NEMP2: variants seen among roughly 807,000 people sequenced by gnomAD.
NEMP2 encodes the protein nuclear envelope integral membrane protein 2, also known as UPF0571 transmembrane protein.
A neutral mutation model predicts 54.2 loss-of-function variants in NEMP2; 53 were observed. The ratio of observed to expected loss-of-function variants is 0.98; its 90% confidence interval spans 0.78 to 1.23. The LOEUF (loss-of-function observed/expected upper bound fraction) is 1.23. Among genes scored for constraint, NEMP2 ranks in the 50% most tolerant of loss-of-function variants. The pLI is 0.00. For synonymous variants in NEMP2, 197 were observed against 190.3 expected, an observed-to-expected ratio of 1.04 and a Z score of -0.29; for missense variants, 455 against 511.3, an observed-to-expected ratio of 0.89 and a Z score of 1.06.
At chr2:190,463,849 A>T in the NEMP2 span, 3 of 975,556 alleles carry the variant, frequency 3.1e-6, no homozygotes, top group South Asian at 1.4e-4. The surrounding 1 kb of genome is among the most constrained non-coding windows in gnomAD (Gnocchi z 4.4). Context: ...AAATAAAAAT[A>T]AAAAGCTGAG....
At chr2:190,460,446 C>G in the NEMP2 span, among the ~76,000 whole-genome samples, 1 of 152,042 alleles carries the variant, frequency 6.6e-6, no homozygotes, top group South Asian at 2.1e-4. Context: ...AGTGTATATC[C>G]CTAGCACTTA....
chr2:190,643,613 C>T, the NEMP2 span, among the ~76,000 whole-genome samples: 1 of 152,194 alleles, frequency 6.6e-6, no homozygotes, highest in African/African-American at 2.4e-5. Context: ...TGAATTAATA[C>T]TGATAAAGTG....
chr2:190,553,515 C>G, the NEMP2 span: 2 of 152,216 alleles, frequency 1.3e-5, no homozygotes, highest in Non-Finnish European at 2.9e-5. Flanking sequence ...CACCTTAAAG[C>G]CTGTAAGTGA....
At chr2:190,623,758 G>T in the NEMP2 span, among the ~76,000 whole-genome samples, 1 of 152,142 alleles carries the variant, frequency 6.6e-6, no homozygotes, top group Non-Finnish European at 1.5e-5. Context: ...TCTAGGCAAA[G>T]ATTTTTTGGA....
chr2:190,637,858 G>A, the NEMP2 span, among the ~76,000 whole-genome samples: 2 of 152,228 alleles, frequency 1.3e-5, no homozygotes, highest in Non-Finnish European at 2.9e-5. This position sits in a 1 kb window ranked among gnomAD's most constrained non-coding sequence, Gnocchi z 4.5. Context: ...CCCTCAGTCA[G>A]TGCTTAATTG....
At chr2:190,497,852 A>G in the NEMP2 span, 1 of 1,042,078 alleles carries the variant, frequency 9.6e-7, no homozygotes, top group East Asian at 2.5e-5. This position sits in a 1 kb window ranked among gnomAD's most constrained non-coding sequence, Gnocchi z 5.2. Context: ...CATGCAAACA[A>G]TTTCAGTACT....
the NEMP2 span, among the ~76,000 whole-genome samples, chr2:190,562,489 G>A: frequency 6.6e-6 from 1 of 152,182 alleles, no homozygotes; most frequent in Admixed American, 6.5e-5. This position sits in a 1 kb window ranked among gnomAD's most constrained non-coding sequence, Gnocchi z 5.0. Flanking sequence ...GTTGGGGCTG[G>A]CACCTTTGCA....
chr2:190,636,908 A>G, the NEMP2 span, among the ~76,000 whole-genome samples: 1 of 152,234 alleles, frequency 6.6e-6, no homozygotes, highest in Non-Finnish European at 1.5e-5. Flanking sequence ...ACATTCAGAC[A>G]GACAAATCTC....
chr2:190,474,567 A>G, the NEMP2 span, among the ~76,000 whole-genome samples: 2 of 152,234 alleles, frequency 1.3e-5, no homozygotes, highest in Non-Finnish European at 1.5e-5. Context: ...AATTGAGGCA[A>G]TAATTAATAG....
At chr2:190,607,076 A>G in the NEMP2 span, among the ~76,000 whole-genome samples, 1 of 152,204 alleles carries the variant, frequency 6.6e-6, no homozygotes, top group Admixed American at 6.5e-5. This position sits in a 1 kb window ranked among gnomAD's most constrained non-coding sequence, Gnocchi z 5.2. Context: ...GCATCTGAAC[A>G]GCCCATGGCG....
the NEMP2 span, chr2:190,497,506 G>C: frequency 6.2e-7 from 1 of 1,614,124 alleles, no homozygotes; most frequent in East Asian, 2.2e-5. The surrounding 1 kb of genome is among the most constrained non-coding windows in gnomAD (Gnocchi z 5.2). Context: ...CCATCGACTT[G>C]GTACAGCAAC....
chr2:190,470,006 C>A, the NEMP2 span: 1 of 571,622 alleles, frequency 1.7e-6, no homozygotes, highest in Non-Finnish European at 3.0e-6. Context: ...GAGATGACAT[C>A]AGGAGGGATG....
intron 1 of NEMP2, among the ~76,000 whole-genome samples, chr2:190,526,242 G>T (rs1416251546): frequency 6.6e-6 from 1 of 152,194 alleles, no homozygotes; most frequent in Admixed American, 6.5e-5. Flanking sequence ...CAGGGTGAAG[G>T]TATGGGTACC....
At chr2:190,432,385 G>A in the NEMP2 span, among the ~76,000 whole-genome samples, 1 of 152,112 alleles carries the variant, frequency 6.6e-6, no homozygotes, top group Non-Finnish European at 1.5e-5. Context: ...TCTGCTTGGT[G>A]CTCTATGGCC....
the NEMP2 span, among the ~76,000 whole-genome samples, chr2:190,571,416 G>A: frequency 6.6e-6 from 1 of 151,922 alleles, no homozygotes; most frequent in Non-Finnish European, 1.5e-5. Flanking sequence ...GGTGGTGGGC[G>A]CCTGTCATCC....
rs148498937 is a variant in NEMP2, at chr2:190,519,831, C to T, written c.214-648G>A. Reference sequence around the variant, plus strand: ...TATTGTTTTACATCACTGTGCTTTGCAGATAGTGCATTTCTTACAAACGGA... The same window carrying T: ...TATTGTTTTACATCACTGTGCTTTGTAGATAGTGCATTTCTTACAAACGGA... On this transcript the variant is annotated intron_variant, in intron 2 of 8. Coordinates refer to ENST00000409150, the MANE Select transcript of NEMP2 (RefSeq NM_001142645.2). The surrounding 1 kb of genome is among the most constrained non-coding windows in gnomAD (Gnocchi z 5.4). Among the ~76,000 whole-genome samples, 877 of 152,334 alleles carry T rather than the reference C, an allele frequency of 5.8e-3. 13 individuals are homozygous for T. The highest frequency in any genetic ancestry group is 0.02 in the African/African-American group (849 of 41,578).
chr2:190,459,156 T>A, the NEMP2 span, among the ~76,000 whole-genome samples: 6 of 152,214 alleles, frequency 3.9e-5, no homozygotes, highest in African/African-American at 1.2e-4. This position sits in a 1 kb window ranked among gnomAD's most constrained non-coding sequence, Gnocchi z 5.3. Flanking sequence ...ATATTGTGGC[T>A]CCTTTCTCTT....
chr2:190,484,802 G>A, the NEMP2 span, among the ~76,000 whole-genome samples: 2 of 152,010 alleles, frequency 1.3e-5, no homozygotes, highest in Non-Finnish European at 2.9e-5. Context: ...TCACTTATAC[G>A]ATATCTTAAA....
chr2:190,584,269 A>G, the NEMP2 span, among the ~76,000 whole-genome samples: 3 of 152,200 alleles, frequency 2.0e-5, no homozygotes, highest in Admixed American at 6.6e-5. The surrounding 1 kb of genome is among the most constrained non-coding windows in gnomAD (Gnocchi z 4.2). Context: ...AATAGGGAAT[A>G]TGGAAGCCTG....
Sources: gnomAD v4.1 joint callset for allele counts (sites outside exome capture counted in the v4.1 genomes callset) on GRCh38, gnomAD v4.1.1 for gene constraint, Gnocchi (gnomAD v3.1) non-coding constraint, MANE v1.5 for transcripts, NCBI Gene and HGNC (gene_info 2026-07-23, HGNC 2026-07-21) for gene names.